The following MTPN variants were observed in gnomAD, a reference collection of about 807,000 sequenced individuals.
MTPN encodes myotrophin.
In MTPN, 2 loss-of-function variants were observed where a neutral mutation model predicts 13.5. The ratio of observed to expected loss-of-function variants is 0.15; its 90% CI spans 0.06 to 0.47. The LOEUF is 0.47. Ranked by LOEUF, MTPN falls within the 20% of genes least tolerant of loss-of-function variation. The pLI is 0.97. For missense variants in MTPN, 79 were observed against 137.9 expected (o/e 0.57, Z 2.14); for synonymous variants, 46 against 51.7 (o/e 0.89, Z 0.48).
intron 1 of MTPN, among the ~76,000 whole-genome samples, chr7:135,956,935 C>T (rs1279462414): frequency 2.0e-5 from 3 of 152,060 alleles, no homozygotes; most frequent in South Asian, 4.2e-4. Flanking sequence ...AGTGTTTCAC[C>T]GTCCACTCTA....
chr7:135,950,765 A>T, intron 2 of MTPN, 83 bp from the exon 3 acceptor site: 1 of 1,047,722 alleles, frequency 9.5e-7, no homozygotes, highest in Non-Finnish European at 1.4e-6. Flanking sequence ...CTCTTTCTAG[A>T]TTTACCTATT....
At chr7:135,947,494 G>C (rs1799304143) in intron 3 of MTPN, among the ~76,000 whole-genome samples, 1 of 152,088 alleles carries the variant, frequency 6.6e-6, no homozygotes, top group East Asian at 1.9e-4. Context: ...GAACACCACA[G>C]AATGTGCTCA....
At chr7:135,952,574 C>T (rs1799378799) in intron 1 of MTPN, among the ~76,000 whole-genome samples, 1 of 152,186 alleles carries the variant, frequency 6.6e-6, no homozygotes, top group African/African-American at 2.4e-5. Context: ...GAGATTTAAA[C>T]CCATTCTCTT....
intron 3 of MTPN, among the ~76,000 whole-genome samples, chr7:135,944,273 A>AAG (rs1799255427): frequency 6.6e-6 from 1 of 152,130 alleles, no homozygotes; most frequent in Non-Finnish European, 1.5e-5. Flanking sequence ...TGAACTTCTT[A>AAG]AAGTTCTTTA....
At chr7:135,954,741 G>C (rs747119204) in intron 1 of MTPN, among the ~76,000 whole-genome samples, 2 of 152,142 alleles carry the variant, frequency 1.3e-5, no homozygotes, top group Non-Finnish European at 2.9e-5. Flanking sequence ...AGGAGATCGA[G>C]ACCATCCTTG....
intron 1 of MTPN, among the ~76,000 whole-genome samples, chr7:135,969,089 G>GC (rs367762953): frequency 4.4e-5 from 1 of 22,902 alleles, no homozygotes; most frequent in Non-Finnish European, 1.3e-4. Context: ...GTTGTGGGGT[G>GC]GGGGGGGGGG....
intron 3 of MTPN, among the ~76,000 whole-genome samples, chr7:135,931,649 A>G (rs187479386): frequency 6.6e-6 from 1 of 152,280 alleles, no homozygotes; most frequent in Non-Finnish European, 1.5e-5. Context: ...GTTATTTCTT[A>G]TTCATTTTGA....
rs1554396399 is a variant in MTPN, at chr7:135,977,181, G to A, written c.-81C>T. ...AGCAAGCGGATGCCGCCGGGCGAGA[G>A]GGAGGCAGGGCCGCGCGAAGCCGGA... On this transcript the variant is annotated 5_prime_UTR_variant, in exon 1 of 4. Transcript: ENST00000393085. The A allele has an allele frequency of 2.8e-6, 4 of 1,427,714 alleles. No homozygotes were observed. The highest frequency in any genetic ancestry group is 2.3e-5 in the South Asian group (2 of 87,326). 88.4% of individuals were successfully genotyped at this position (1,427,714 alleles called of 1,614,324 possible).
In MTPN at chr7:135,930,015, G is replaced by A. The variant is rs1798993101; in HGVS notation, c.271-3C>T. ...CCTTTCACAGTCTTATCAGCACCCT[G>A]GAAAAGAGAGGAAAGGGCTCATTAA... On this transcript the variant is annotated splice_polypyrimidine_tract_variant and splice_region_variant and intron_variant, in intron 3 of 3. Transcript: ENST00000393085. 1 of 1,601,816 alleles carries A rather than the reference G, an allele frequency of 6.2e-7. No individual in the cohort carries two copies. The highest frequency in any genetic ancestry group is 8.5e-7 in the Non-Finnish European group (1 of 1,174,274).
chr7:135,942,037 C>A (rs1395589460), intron 3 of MTPN, among the ~76,000 whole-genome samples: 2 of 151,912 alleles, frequency 1.3e-5, no homozygotes, highest in Non-Finnish European at 2.9e-5. Flanking sequence ...GCACCTGCCA[C>A]CACGCCCGGC....
At chr7:135,955,192 G>A (rs1439222263) in intron 1 of MTPN, among the ~76,000 whole-genome samples, 1 of 151,828 alleles carries the variant, frequency 6.6e-6, no homozygotes, top group Non-Finnish European at 1.5e-5. Context: ...TGCCTGTACT[G>A]GAAAAATAGA....
intron 1 of MTPN, among the ~76,000 whole-genome samples, chr7:135,957,677 G>A (rs1447755759): frequency 6.6e-6 from 1 of 152,108 alleles, no homozygotes; most frequent in Non-Finnish European, 1.5e-5. Flanking sequence ...AATATTAGAG[G>A]TGCGGGCCTA....
Position 135,927,428 on chromosome 7 carries a change from G to A in MTPN, c.*2498C>T. On this transcript the variant is annotated 3_prime_UTR_variant, in exon 4 of 4. Transcript: ENST00000393085. ...ACTACCTGTTTGTACTTGATATAGT[G>A]CATATGAAATGACTGATTTAATACA... 1.3e-6 allele frequency: 2 copies of A among 1,538,300 alleles called. No homozygotes were observed. Among genetic ancestry groups the A allele is most frequent in the South Asian group, 1.2e-5 (1 of 80,948 alleles).
At chr7:135,931,949 A>T (rs1799027922) in intron 3 of MTPN, among the ~76,000 whole-genome samples, 1 of 152,120 alleles carries the variant, frequency 6.6e-6, no homozygotes, top group South Asian at 2.1e-4. Context: ...TTTGTGTTAG[A>T]ACATTCTAAT....
chr7:135,948,488 A>G (rs1187495856), intron 3 of MTPN, among the ~76,000 whole-genome samples: 1 of 152,170 alleles, frequency 6.6e-6, no homozygotes, highest in Non-Finnish European at 1.5e-5. Flanking sequence ...TAAAAGTAAG[A>G]CAACTCACAA....
At chr7:135,937,370 T>TACACACACACACAC (rs35704525) in intron 3 of MTPN, among the ~76,000 whole-genome samples, 51 of 144,494 alleles carry the variant, frequency 3.5e-4, no homozygotes, top group African/African-American at 1.2e-3. Context: ...GCTAACTGGA[T>TACACACACACACAC]ACACACACAC....
chr7:135,931,594 T>C (rs1799022619), intron 3 of MTPN, among the ~76,000 whole-genome samples: 1 of 152,178 alleles, frequency 6.6e-6, no homozygotes, highest in South Asian at 2.1e-4. Flanking sequence ...ACTTCAGTGC[T>C]GTGAGTCCCG....
At chr7:135,934,492 A>AAGTT (rs1316443253) in intron 3 of MTPN, among the ~76,000 whole-genome samples, 1 of 152,190 alleles carries the variant, frequency 6.6e-6, no homozygotes, top group African/African-American at 2.4e-5. Flanking sequence ...AGTAGCCTAA[A>AAGTT]AGTTAGTTAG....
intron 1 of MTPN, among the ~76,000 whole-genome samples, chr7:135,959,817 G>T (rs1025183872): frequency 1.1e-4 from 16 of 143,512 alleles, no homozygotes; most frequent in African/African-American, 3.6e-4. Flanking sequence ...ACATCTGCTT[G>T]TTTTTTTTTT....
Sources: gnomAD v4.1 joint callset for allele counts (sites outside exome capture counted in the v4.1 genomes callset) on GRCh38, gnomAD v4.1.1 for gene constraint, MANE v1.5 for transcripts, NCBI Gene and HGNC (gene_info 2026-07-23, HGNC 2026-07-21) for gene names.